The following SSBP3 variants were observed in gnomAD, a reference collection of about 807,000 sequenced individuals.
The protein encoded by SSBP3 is single stranded DNA binding protein 3, also known as single-stranded DNA-binding protein 3.
SSBP3 carries 5 observed loss-of-function variants against 69.6 expected under a neutral mutation model. The observed-to-expected ratio is 0.07, with a 90% CI of 0.04 to 0.15. The LOEUF (loss-of-function observed/expected upper bound fraction) is 0.15, where lower values mean the gene tolerates loss of function less well. Ranked by LOEUF, SSBP3 falls within the 10% of genes least tolerant of loss-of-function variation. The pLI is 1.00. For synonymous variants in SSBP3, 196 were observed against 193.4 expected, an observed-to-expected ratio of 1.01 and a Z score of -0.11; for missense variants, 312 against 534.0, an observed-to-expected ratio of 0.58 and a Z score of 4.10.
chr1:54,271,638 C>G lies in SSBP3; in HGVS notation c.366+9800G>C, dbSNP rs147482059. Among the ~76,000 whole-genome samples, 648 of 152,344 alleles carry G rather than the reference C, an allele frequency of 4.3e-3. 9 individuals carry two copies. Among genetic ancestry groups the G allele is most frequent in the African/African-American group, 0.013 (523 of 41,580 alleles). ...CGGCCGAGCTGGGTGCCCTCCCAAC[C>G]CCATGCCTGTGCTGCATACAGACCT... On this transcript the variant is annotated intron_variant, in intron 5 of 17. Coordinates refer to ENST00000610401, the Ensembl canonical transcript of SSBP3.
At chr1:54,226,565 A>C (rs1644288043) in exon 18 of SSBP3, 1 of 155,260 alleles carries the variant, frequency 6.4e-6, no homozygotes, top group Non-Finnish European at 1.4e-5. Context: ...ATGGCTACAG[A>C]CAATGTGGGC....
intron 4 of SSBP3, among the ~76,000 whole-genome samples, chr1:54,329,334 G>C (rs1467079016): frequency 1.3e-5 from 2 of 152,234 alleles, no homozygotes; most frequent in Non-Finnish European, 2.9e-5. Flanking sequence ...GCAAAAAGCT[G>C]AATCTTAAAT....
intron 14 of SSBP3, chr1:54,238,220 G>A (rs1644534135): frequency 2.1e-6 from 1 of 471,116 alleles, no homozygotes; most frequent in Non-Finnish European, 4.4e-6. Context: ...AACACGTGGG[G>A]TGATCCGGGT....
intron 4 of SSBP3, among the ~76,000 whole-genome samples, chr1:54,349,360 TTGTTA>T (rs1557553794): frequency 6.6e-6 from 1 of 152,224 alleles, no homozygotes; most frequent in African/African-American, 2.4e-5. Flanking sequence ...AAATGTTTGT[TTGTTA>T]TGTGAGCAAA....
chr1:54,373,870 G>A (rs2100690702), intron 4 of SSBP3, among the ~76,000 whole-genome samples: 1 of 152,216 alleles, frequency 6.6e-6, no homozygotes, highest in South Asian at 2.1e-4. Context: ...AAGTGTCTGA[G>A]CTGAGTGCCC....
intron 4 of SSBP3, among the ~76,000 whole-genome samples, chr1:54,293,390 G>A (rs1459267755): frequency 6.6e-6 from 1 of 152,162 alleles, no homozygotes; most frequent in African/African-American, 2.4e-5. Context: ...CTCAGCTTCT[G>A]AAACAAACAC....
Position 54,239,218 on chromosome 1 carries a change from C to T in SSBP3, c.857-19G>A. ...GTTGAATCTGTAGAACAGTGGAAAC[C>T]CACAAGTCGGGGTGATTAATTCGTT... is the stretch of plus-strand genomic sequence containing the variant. On this transcript the variant is annotated intron_variant, in intron 13 of 17. Coordinates refer to ENST00000610401, the Ensembl canonical transcript of SSBP3. 1 of 1,589,788 alleles carries T rather than the reference C, an allele frequency of 6.3e-7. No individual in the cohort carries two copies. The highest frequency in any genetic ancestry group is 1.1e-5 in the South Asian group (1 of 87,286).
intron 3 of SSBP3, among the ~76,000 whole-genome samples, chr1:54,402,396 A>C (rs1205507087): frequency 6.6e-6 from 1 of 152,196 alleles, no homozygotes; most frequent in Non-Finnish European, 1.5e-5. Context: ...TATCCTAAAA[A>C]AGGTTCAAGT....
intron 4 of SSBP3, chr1:54,285,486 A>G (rs1179429512): frequency 6.6e-6 from 1 of 152,126 alleles, no homozygotes; most frequent in Non-Finnish European, 1.5e-5. Flanking sequence ...AATACGGGTA[A>G]GTTATACTTT....
chr1:54,377,019 TGAGA>T (rs1039737268), intron 4 of SSBP3, among the ~76,000 whole-genome samples: 129 of 152,298 alleles, frequency 8.5e-4, no homozygotes, highest in Middle Eastern at 6.8e-3. Context: ...TTCTACAGAA[TGAGA>T]GAGAGGTAAG....
At chr1:54,332,799 C>T (rs970595557) in intron 4 of SSBP3, among the ~76,000 whole-genome samples, 2 of 152,216 alleles carry the variant, frequency 1.3e-5, no homozygotes, top group African/African-American at 4.8e-5. Context: ...AACAAGGGCC[C>T]TGAGAGGGCG....
chr1:54,321,760 C>A (rs1301531228), intron 4 of SSBP3, among the ~76,000 whole-genome samples: 1 of 152,232 alleles, frequency 6.6e-6, no homozygotes, highest in Non-Finnish European at 1.5e-5. Context: ...CTTCCATGTG[C>A]TATTCTGGAA....
At chr1:54,253,182 TTTAGTTTTTG>T (rs1644861422) in intron 7 of SSBP3, among the ~76,000 whole-genome samples, 4 of 144,488 alleles carry the variant, frequency 2.8e-5, no homozygotes, top group African/African-American at 1.1e-4. Flanking sequence ...TTGTTTTTTT[TTTAGTTTTTG>T]TTTTTTTTTT....
chr1:54,248,924 G>T (rs1043398420), intron 9 of SSBP3, among the ~76,000 whole-genome samples: 2 of 152,156 alleles, frequency 1.3e-5, no homozygotes, highest in Non-Finnish European at 2.9e-5. Flanking sequence ...GGTTGGCAAG[G>T]GTGTGTAACA....
intron 9 of SSBP3, among the ~76,000 whole-genome samples, chr1:54,245,824 G>T (rs1411345804): frequency 1.3e-5 from 2 of 152,240 alleles, no homozygotes; most frequent in Non-Finnish European, 2.9e-5. Flanking sequence ...CCTTGGCTTG[G>T]CTGCCTGCTG....
intron 4 of SSBP3, among the ~76,000 whole-genome samples, chr1:54,370,978 C>CTGT (rs1647122860): frequency 6.6e-6 from 1 of 152,164 alleles, no homozygotes; most frequent in Admixed American, 6.5e-5. Flanking sequence ...GACCCAAATG[C>CTGT]TGTAATACCC....
intron 4 of SSBP3, among the ~76,000 whole-genome samples, chr1:54,362,680 C>A (rs1329598858): frequency 2.0e-5 from 3 of 152,178 alleles, no homozygotes; most frequent in Admixed American, 1.3e-4. Flanking sequence ...AAATAGCAGG[C>A]CCCCAAATCT....
At chr1:54,246,889 C>G (rs1644743338) in intron 9 of SSBP3, among the ~76,000 whole-genome samples, 2 of 152,248 alleles carry the variant, frequency 1.3e-5, no homozygotes, top group African/African-American at 4.8e-5. Context: ...GAAACGGGTT[C>G]CCTCTTTGGC....
At chr1:54,412,253 C>T (rs1255952341) in intron 1 of SSBP3, among the ~76,000 whole-genome samples, 1 of 152,104 alleles carries the variant, frequency 6.6e-6, no homozygotes, top group African/African-American at 2.4e-5. Flanking sequence ...CGCTTGAACC[C>T]AGGAGGTGGA....
Sources: allele counts gnomAD v4.1 joint callset (sites outside exome capture counted in the v4.1 genomes callset), GRCh38; gene constraint gnomAD v4.1.1; transcripts MANE v1.5; gene names NCBI Gene and HGNC (gene_info 2026-07-23, HGNC 2026-07-21).